The following MAP4K5 variants were observed in gnomAD, a reference collection of about 807,000 sequenced individuals.
MAP4K5 encodes mitogen-activated protein kinase kinase kinase kinase 5.
A neutral mutation model predicts 135.6 loss-of-function variants in MAP4K5; 82 were observed. That is an observed-to-expected ratio of 0.60 (90% CI 0.51 to 0.73). MAP4K5 has a LOEUF of 0.73. Ranked by LOEUF, MAP4K5 falls within the 30% of genes least tolerant of loss-of-function variation. The pLI is 0.00. For synonymous variants in MAP4K5, 347 were observed against 335.0 expected (o/e 1.04, Z -0.39); for missense variants, 907 against 1,010.9 (o/e 0.90, Z 1.39).
At chr14:50,553,128 C>G (rs1446025187) in intron 1 of MAP4K5, among the ~76,000 whole-genome samples, 1 of 151,916 alleles carries the variant, frequency 6.6e-6, no homozygotes, top group Non-Finnish European at 1.5e-5. Flanking sequence ...AACCCTGTCT[C>G]TACTAAAAAT....
In MAP4K5 at chr14:50,501,590, A is replaced by C. The variant is rs1487205453; in HGVS notation, c.166+3210T>G. ...AATTTTTTACAAGAGAAACATCAAC[A>C]ACCTAGAAAGGATAATGATAGGCCC... On this transcript the variant is annotated intron_variant, in intron 3 of 32. Coordinates refer to ENST00000682126, the MANE Select transcript of MAP4K5 (RefSeq NM_006575.6). Among the ~76,000 whole-genome samples the C allele has an allele frequency of 2.6e-5, 4 of 152,300 alleles. No homozygotes were observed. In the South Asian group the frequency reaches 8.3e-4, roughly 32 times the overall value.
chr14:50,520,733 A>G (rs2038131701), intron 2 of MAP4K5, among the ~76,000 whole-genome samples: 1 of 152,168 alleles, frequency 6.6e-6, no homozygotes, highest in Admixed American at 6.5e-5. Context: ...AAGAGAAGGC[A>G]CAGCAGGAAG....
At chr14:50,428,463 G>A (rs1045178698) in intron 30 of MAP4K5, among the ~76,000 whole-genome samples, 199 bp downstream of exon 30, 5 of 151,990 alleles carry the variant, frequency 3.3e-5, no homozygotes, top group East Asian at 1.9e-4. Context: ...TCTCCATGTT[G>A]GCCAGGCTGG....
chr14:50,450,827 TAAAG>T (rs1208961925), intron 14 of MAP4K5, among the ~76,000 whole-genome samples: 1 of 152,056 alleles, frequency 6.6e-6, no homozygotes. Flanking sequence ...ATTAACTCTT[TAAAG>T]AAAGAGGATA....
Position 50,446,074 on chromosome 14 carries a change from C to A in MAP4K5, c.1185+5G>T. 6.5e-7 allele frequency: 1 copy of A among 1,536,236 alleles called. No individual in the cohort carries two copies. The highest frequency in any genetic ancestry group is 1.3e-5 in the South Asian group (1 of 77,274). ...TTTAGTGTTCAAAATCATTAAGTAGCTCACCTTAGGAGGTAGGGGAGGTGG... is the reference window on the plus strand; with the variant it reads ...TTTAGTGTTCAAAATCATTAAGTAGATCACCTTAGGAGGTAGGGGAGGTGG... On this transcript the variant is annotated splice_donor_5th_base_variant and intron_variant, in intron 17 of 32. Coordinates refer to ENST00000682126, the MANE Select transcript of MAP4K5 (RefSeq NM_006575.6).
At chr14:50,462,548 G>C (rs1237660591) in intron 13 of MAP4K5, 117 bp downstream of exon 13, 1 of 690,692 alleles carries the variant, frequency 1.4e-6, no homozygotes, top group Non-Finnish European at 2.5e-6. Flanking sequence ...AATCTCTGTA[G>C]CTAAACCTGT....
At chr14:50,545,057 A>G (rs146554577) in intron 1 of MAP4K5, among the ~76,000 whole-genome samples, 5 of 152,218 alleles carry the variant, frequency 3.3e-5, no homozygotes, top group East Asian at 3.9e-4. Flanking sequence ...AGCCAAGGCC[A>G]TGATGTCCAG....
chr14:50,512,551 C>T (rs1038191224), intron 2 of MAP4K5, among the ~76,000 whole-genome samples: 3 of 152,142 alleles, frequency 2.0e-5, no homozygotes, highest in Admixed American at 2.0e-4. Context: ...ACTTAAATGT[C>T]AGCCTCCATT....
intron 28 of MAP4K5, 31 bp downstream of exon 28, chr14:50,434,363 A>C: frequency 6.5e-7 from 1 of 1,540,480 alleles, no homozygotes; most frequent in African/African-American, 1.4e-5. Flanking sequence ...CAAAAATATC[A>C]ATATTCTAAC....
rs1445679010 is a variant in MAP4K5 at position 50,437,886 on chromosome 14, T to C, written c.1823+8A>G. 6.6e-7 allele frequency: 1 copy of C among 1,503,838 alleles called. No individual in the cohort carries two copies. The highest frequency in any genetic ancestry group is 9.2e-7 in the Non-Finnish European group (1 of 1,082,022). 93.2% of individuals were successfully genotyped at this position (1,503,838 alleles called of 1,614,324 possible). A position where few individuals can be genotyped will look rare whatever the true frequency, so the allele number is the denominator to read the frequency against. ...CTCATTCAGTAGAATCAAAATGATA[T>C]TTTGTACCTTGGTAGTATTCGGTCT... On this transcript the variant is annotated splice_region_variant and intron_variant, in intron 25 of 32. Transcript: ENST00000682126.
At chr14:50,546,050 A>G (rs2038627163) in intron 1 of MAP4K5, among the ~76,000 whole-genome samples, 1 of 152,192 alleles carries the variant, frequency 6.6e-6, no homozygotes, top group African/African-American at 2.4e-5. Flanking sequence ...TGCTAATTCA[A>G]AGCCACTTGG....
intron 6 of MAP4K5, 89 bp downstream of exon 6, chr14:50,482,272 T>C (rs2037260667): frequency 1.2e-5 from 8 of 678,554 alleles, no homozygotes; most frequent in Non-Finnish European, 1.9e-5. Context: ...ATTTTATAGT[T>C]ATCAATTGTC....
chr14:50,482,460 C>T (rs1180689761), intron 5 of MAP4K5, 44 bp from the exon 6 acceptor site: 4 of 1,317,242 alleles, frequency 3.0e-6, no homozygotes, highest in East Asian at 5.4e-5. Flanking sequence ...TTAAACCTAA[C>T]ATTAGAAACA....
intron 9 of MAP4K5, among the ~76,000 whole-genome samples, chr14:50,470,091 A>G (rs929343979): frequency 1.3e-5 from 2 of 152,204 alleles, no homozygotes; most frequent in African/African-American, 4.8e-5. Context: ...TTCACAGAGG[A>G]AAGAGGCTGA....
At chr14:50,506,843 T>A (rs2037820167) in intron 2 of MAP4K5, among the ~76,000 whole-genome samples, 1 of 152,186 alleles carries the variant, frequency 6.6e-6, no homozygotes, top group South Asian at 2.1e-4. Flanking sequence ...GGAGCAGTGG[T>A]CAGCCAGATG....
chr14:50,513,742 T>C (rs1187292793), intron 2 of MAP4K5, among the ~76,000 whole-genome samples: 1 of 152,218 alleles, frequency 6.6e-6, no homozygotes, highest in African/African-American at 2.4e-5. Context: ...AGCACATTCT[T>C]AGGGTCACAA....
At chr14:50,540,803 C>A (rs868232378) in intron 2 of MAP4K5, among the ~76,000 whole-genome samples, 2 of 152,142 alleles carry the variant, frequency 1.3e-5, no homozygotes, top group South Asian at 4.1e-4. Context: ...ACAAGTGTAA[C>A]CTCCCTAGCT....
At chr14:50,489,019 T>C (rs1317256012) in intron 3 of MAP4K5, among the ~76,000 whole-genome samples, 8 of 152,204 alleles carry the variant, frequency 5.3e-5, no homozygotes, top group Admixed American at 5.2e-4. Context: ...CTCATAAAAA[T>C]AATCTGAAAT....
At chr14:50,530,390 G>C (rs1425232008) in intron 2 of MAP4K5, among the ~76,000 whole-genome samples, 1 of 152,022 alleles carries the variant, frequency 6.6e-6, no homozygotes, top group African/African-American at 2.4e-5. Context: ...GATCTTTATG[G>C]GAAAAACACT....
Sources: allele counts gnomAD v4.1 joint callset (sites outside exome capture counted in the v4.1 genomes callset), GRCh38; gene constraint gnomAD v4.1.1; transcripts MANE v1.5; gene names NCBI Gene and HGNC (gene_info 2026-07-23, HGNC 2026-07-21).